ANXA8: variants seen among roughly 807,000 people sequenced by gnomAD.
ANXA8 encodes the protein VAC-beta.
Under a neutral mutation model 26.8 loss-of-function variants are expected in ANXA8, and 9 were observed. The ratio of observed to expected loss-of-function variants is 0.34; its 90% CI spans 0.20 to 0.59. ANXA8 has a LOEUF of 0.59. Ranked by LOEUF, ANXA8 falls within the 20% of genes least tolerant of loss-of-function variation. The probability of loss-of-function intolerance (pLI) is 0.84; values close to 1 mark genes in which losing one functional copy is unlikely to be tolerated. For synonymous variants in ANXA8, 39 were observed against 94.8 expected, an observed-to-expected ratio of 0.41 and a Z score of 3.42; for missense variants, 83 against 238.5, an observed-to-expected ratio of 0.35 and a Z score of 4.29.
the ANXA8 span, among the ~76,000 whole-genome samples, chr10:47,548,910 GT>G: frequency 6.6e-6 from 1 of 152,378 alleles, no homozygotes; most frequent in African/African-American, 2.4e-5. Context: ...TGTATCAAGG[GT>G]TTATGTAAGC....
chr10:47,495,979 C>A, the ANXA8 span, among the ~76,000 whole-genome samples: 2 of 151,548 alleles, frequency 1.3e-5, no homozygotes, highest in Non-Finnish European at 2.9e-5. Context: ...TGAGAGCACG[C>A]CTTCCCAAGA....
chr10:47,694,303 G>A, the ANXA8 span, among the ~76,000 whole-genome samples: 1 of 149,568 alleles, frequency 6.7e-6, no homozygotes, highest in Non-Finnish European at 1.5e-5. Flanking sequence ...TGGAAATGTT[G>A]GGAAAAAAAA....
chr10:47,546,628 G>A, the ANXA8 span, among the ~76,000 whole-genome samples: 4 of 135,466 alleles, frequency 3.0e-5, no homozygotes, highest in Non-Finnish European at 6.3e-5. Flanking sequence ...GGATGGTCTC[G>A]ATCTCCTGAC....
At chr10:47,498,973 G>A in the ANXA8 span, among the ~76,000 whole-genome samples, 3 of 138,026 alleles carry the variant, frequency 2.2e-5, no homozygotes, top group African/African-American at 3.1e-5. Flanking sequence ...GTGGTGGCAG[G>A]CGCCTGTAAT....
chr10:47,474,152 C>T, intron 8 of ANXA8, 87 bp from the exon 9 acceptor site: 1 of 558,250 alleles, frequency 1.8e-6, no homozygotes, highest in Non-Finnish European at 3.1e-6. Flanking sequence ...CATCAATTTG[C>T]CGCCCTGACC....
At chr10:47,940,012 G>T in the ANXA8 span, among the ~76,000 whole-genome samples, 1 of 147,516 alleles carries the variant, frequency 6.8e-6, no homozygotes, top group Admixed American at 6.8e-5. Flanking sequence ...TTATTTTTGG[G>T]TCCTCACATA....
chr10:47,583,717 T>C, the ANXA8 span, among the ~76,000 whole-genome samples: 30 of 147,140 alleles, frequency 2.0e-4, 2 homozygotes, highest in Middle Eastern at 3.5e-3. Flanking sequence ...CATTTTCAGC[T>C]TAACCCTGCT....
At chr10:47,595,511 G>A in the ANXA8 span, among the ~76,000 whole-genome samples, 1 of 149,198 alleles carries the variant, frequency 6.7e-6, no homozygotes, top group Non-Finnish European at 1.5e-5. Context: ...CTGTCTTCAA[G>A]AGACCCATCT....
the ANXA8 span, among the ~76,000 whole-genome samples, chr10:47,585,661 A>C: frequency 7.0e-6 from 1 of 143,040 alleles, no homozygotes; most frequent in Non-Finnish European, 1.5e-5. Flanking sequence ...GTGATCAACA[A>C]AATTCCCAAG....
chr10:47,519,175 G>A, the ANXA8 span, among the ~76,000 whole-genome samples: 8 of 135,616 alleles, frequency 5.9e-5, no homozygotes, highest in Admixed American at 1.5e-4. Context: ...AATTTAAAAG[G>A]CTGTGGTACT....
chr10:47,741,820 A>G, the ANXA8 span, among the ~76,000 whole-genome samples: 2 of 147,472 alleles, frequency 1.4e-5, no homozygotes, highest in Non-Finnish European at 1.5e-5. Context: ...AAACGATTAT[A>G]AAAAAAGAAT....
the ANXA8 span, among the ~76,000 whole-genome samples, chr10:47,603,699 C>T: frequency 8.8e-5 from 13 of 147,796 alleles, no homozygotes; most frequent in East Asian, 7.7e-4. Context: ...TTATTAGAGA[C>T]GGGGTTTCAC....
At chr10:47,777,125 T>G in the ANXA8 span, among the ~76,000 whole-genome samples, 1 of 151,816 alleles carries the variant, frequency 6.6e-6, no homozygotes, top group Non-Finnish European at 1.5e-5. Context: ...CAAGAATTCT[T>G]TAAACATAGG....
chr10:47,969,541 C>A, the ANXA8 span, among the ~76,000 whole-genome samples: 1 of 145,226 alleles, frequency 6.9e-6, no homozygotes, highest in African/African-American at 2.5e-5. Context: ...CCTTTTCCAG[C>A]TTCTAGAAGC....
At chr10:47,536,865 T>TA in the ANXA8 span, among the ~76,000 whole-genome samples, 1 of 113,104 alleles carries the variant, frequency 8.8e-6, no homozygotes, top group South Asian at 2.7e-4. Flanking sequence ...AATTATTAGA[T>TA]AAAGAGGAGA....
At chr10:47,733,202 T>TTTCTTTCTTTCTTTC in the ANXA8 span, among the ~76,000 whole-genome samples, 1 of 102,064 alleles carries the variant, frequency 9.8e-6, no homozygotes, top group African/African-American at 3.2e-5. Context: ...TCTTTCTTTC[T>TTTCTTTCTTTCTTTC]TTCTTTCTTT....
At chr10:47,640,880 G>T in the ANXA8 span, among the ~76,000 whole-genome samples, 14 of 131,866 alleles carry the variant, frequency 1.1e-4, 3 homozygotes, top group Admixed American at 5.9e-4. Flanking sequence ...ATATGAAAAA[G>T]TGTCTAAGAA....
At chr10:47,581,805 C>G in the ANXA8 span, among the ~76,000 whole-genome samples, 1 of 150,772 alleles carries the variant, frequency 6.6e-6, no homozygotes, top group Non-Finnish European at 1.5e-5. Flanking sequence ...CGGGGTTTCA[C>G]CGTGTTAGCC....
the ANXA8 span, among the ~76,000 whole-genome samples, chr10:47,949,683 T>C: frequency 6.7e-6 from 1 of 150,234 alleles, no homozygotes; most frequent in African/African-American, 2.5e-5. Context: ...TAAAGTGTTA[T>C]AATAGTATAT....
Sources: gnomAD v4.1 joint callset for allele counts (sites outside exome capture counted in the v4.1 genomes callset) on GRCh38, gnomAD v4.1.1 for gene constraint, MANE v1.5 for transcripts, NCBI Gene and HGNC (gene_info 2026-07-23, HGNC 2026-07-21) for gene names.